DNAH12: variants seen among roughly 807,000 people sequenced by gnomAD.
DNAH12 encodes dynein axonemal heavy chain 12, also known as axonemal beta dynein heavy chain 12.
In DNAH12, 285 loss-of-function variants were observed where a neutral mutation model predicts 371.5. That is an observed-to-expected ratio of 0.77 (90% CI 0.70 to 0.85). The LOEUF (loss-of-function observed/expected upper bound fraction) is 0.85. DNAH12 is among the 40% of genes least tolerant of loss of function. The pLI, the probability that DNAH12 is intolerant of heterozygous loss-of-function variation, is 0.00. For missense variants in DNAH12, 3,611 were observed against 3,689.4 expected, an observed-to-expected ratio of 0.98 and a Z score of 0.55; for synonymous variants, 1,200 against 1,213.0, an observed-to-expected ratio of 0.99 and a Z score of 0.22.
At chr3:57,453,912 C>T (rs2065829547) in intron 23 of DNAH12, among the ~76,000 whole-genome samples, 1 of 151,992 alleles carries the variant, frequency 6.6e-6, no homozygotes, top group Admixed American at 6.6e-5. Context: ...ATTTCAAGAC[C>T]AGCCTGGCAA....
Position 57,309,805 on chromosome 3 carries a change from A to G in DNAH12, c.10946T>C (p.Val3649Ala), listed in dbSNP as rs1395020059. The change falls in exon 68 of 74, where the codon GTT (valine) becomes GCT (alanine). Residue 3649 changes from valine (V) to alanine (A), a missense_variant. Val to Ala is a moderately conservative substitution (Grantham distance 64). This residue lies in a region of DNAH12 where 2,266 missense variants were observed against 2,236.9 expected (regional missense o/e 1.01). Coordinates refer to ENST00000495027, the MANE Select transcript of DNAH12 (RefSeq NM_001366028.2). Reference protein sequence around the residue: ...HPEIFGLHENVDISKDLQQTK... With the variant: ...HPEIFGLHENADISKDLQQTK... ...TTGTTGAAGATCCTTGGAGATGTCA[A>G]CGTTTTCATGTAATCCAAATATCTC... 4 of 1,551,368 alleles carry G rather than the reference A, an allele frequency of 2.6e-6. No homozygotes were observed. Among genetic ancestry groups the G allele is most frequent in the Non-Finnish European group, 3.5e-6 (4 of 1,146,822 alleles).
chr3:57,358,297 A>G (rs1303157341), intron 58 of DNAH12, among the ~76,000 whole-genome samples: 1 of 152,196 alleles, frequency 6.6e-6, no homozygotes, highest in African/African-American at 2.4e-5. Flanking sequence ...GTTGGTTTCT[A>G]CATGCTAGAT....
At position 57,502,383 on chromosome 3, in the gene DNAH12, T is replaced by G; in HGVS notation, c.1183A>C (p.Thr395Pro). 1 of 1,614,194 alleles carries G rather than the reference T, an allele frequency of 6.2e-7. No individual in the cohort carries two copies. The highest frequency in any genetic ancestry group is 8.5e-7 in the Non-Finnish European group (1 of 1,180,038). Residue 395 changes from threonine to proline, a missense_variant, in exon 10 of 74, where the codon ACA becomes CCA. By Grantham distance (38) the Thr-to-Pro change is conservative. Transcript: ENST00000495027. The part of the protein sequence containing the change: ...PEHVLHWAVD[T>P]LKAAVHRNLE... ...TTCCGATGTACTGCTGCCTTCAGTG[T>G]ATCAACAGCCCAGTGTAACACGTGT...
intron 67 of DNAH12, 35 bp from the exon 68 acceptor site, chr3:57,309,889 T>C: frequency 6.6e-7 from 1 of 1,525,260 alleles, no homozygotes; most frequent in Non-Finnish European, 8.8e-7. Flanking sequence ...CATCATATTT[T>C]CCCTGGATAC....
At chr3:57,532,119 T>C (rs2068871020) in intron 2 of DNAH12, among the ~76,000 whole-genome samples, 1 of 152,210 alleles carries the variant, frequency 6.6e-6, no homozygotes, top group South Asian at 2.1e-4. Flanking sequence ...AAAACTGCTA[T>C]TAAAAGAACG....
chr3:57,297,233 T>G (rs961453631), intron 70 of DNAH12: 3 of 482,526 alleles, frequency 6.2e-6, no homozygotes, highest in African/African-American at 3.9e-5. Context: ...TCAAATCTTC[T>G]GCAAAAGCCA....
chr3:57,448,081 A>C (rs1289332572), intron 25 of DNAH12, among the ~76,000 whole-genome samples: 1 of 152,228 alleles, frequency 6.6e-6, no homozygotes, highest in Non-Finnish European at 1.5e-5. Context: ...GTTCACAAAC[A>C]TGTTCCCTTT....
At position 57,313,368 on chromosome 3, in the gene DNAH12, A is replaced by G. The variant is rs537386270; in HGVS notation, c.10662+1126T>C. ...TAAAAAAAACAACAACAAACTTACAAGGGGCCGGGCATAGTGGCTCACACC... is the reference window on the plus strand; with the variant it reads ...TAAAAAAAACAACAACAAACTTACAGGGGGCCGGGCATAGTGGCTCACACC... On this transcript the variant is annotated intron_variant, in intron 66 of 73. Transcript: ENST00000495027. 1.7e-4 allele frequency among the ~76,000 whole-genome samples: 26 copies of G among 152,276 alleles called. 1 individual carries two copies. The South Asian group carries it at 5.4e-3, about 32-fold the overall frequency.
rs917840459 is a variant in DNAH12, at chr3:57,376,969, T to C, written c.8465+12A>G. 36 of 152,256 alleles carry C rather than the reference T, an allele frequency of 2.4e-4. No homozygotes were observed. The highest frequency in any genetic ancestry group is 7.7e-4 in the African/African-American group (32 of 41,572). 9.4% of individuals were successfully genotyped at this position (152,256 alleles called of 1,614,324 possible). A position where few individuals can be genotyped will look rare whatever the true frequency, so the allele number is the denominator to read the frequency against. On this transcript the variant is annotated intron_variant, in intron 53 of 73. Coordinates refer to ENST00000495027, the MANE Select transcript of DNAH12 (RefSeq NM_001366028.2). ...CATTCCTAAATCTTGCTAAAACAAA[T>C]AGAAATCTGACCTTGATTTTTCTCC...
At position 57,293,735 on chromosome 3, in the gene DNAH12, G is replaced by GTTT; in HGVS notation, c.*43_*45dup. On this transcript the variant is annotated 3_prime_UTR_variant, in exon 74 of 74. Transcript: ENST00000495027. ...AATGTATATATTTTAAGTAGGACAG[G>GTTT]TTTTTTTTTTTTTAAACTTTTGGAT... 5 of 1,117,596 alleles carry GTTT rather than the reference G, an allele frequency of 4.5e-6. No homozygotes were observed. The highest frequency in any genetic ancestry group is 6.1e-6 in the Non-Finnish European group (5 of 814,654). 69.2% of individuals were successfully genotyped at this position (1,117,596 alleles called of 1,614,324 possible).
At position 57,487,389 on chromosome 3, in the gene DNAH12, GAGAA is replaced by G. The variant is rs1183035035; in HGVS notation, c.1514+2116_1514+2119del. Reference sequence around the variant, plus strand: ...AGAAAGAAAGAAAAAAAAAAAGAAAGAGAAAGAAAGAAAGAAAAAAAAGAAAAAG... The same window carrying G: ...AGAAAGAAAGAAAAAAAAAAAGAAAGAGAAAGAAAGAAAAAAAAGAAAAAG... On this transcript the variant is annotated intron_variant, in intron 12 of 73. Coordinates refer to ENST00000495027, the MANE Select transcript of DNAH12 (RefSeq NM_001366028.2). Among the ~76,000 whole-genome samples the G allele has an allele frequency of 1.6e-4, 20 of 128,370 alleles. No homozygotes were observed. The South Asian group carries it at 4.3e-3, about 28-fold the overall frequency. 84.2% of individuals were successfully genotyped at this position (128,370 alleles called of 152,430 possible).
chr3:57,392,528 G>A (rs1170161852), intron 44 of DNAH12, among the ~76,000 whole-genome samples: 2 of 152,256 alleles, frequency 1.3e-5, no homozygotes, highest in Admixed American at 1.3e-4. Context: ...GCTGCAGTGA[G>A]CTATGACTGC....
chr3:57,441,754 T>G (rs1221740899), intron 29 of DNAH12, among the ~76,000 whole-genome samples: 1 of 152,066 alleles, frequency 6.6e-6, no homozygotes. Flanking sequence ...ATCATGCCAC[T>G]GCACTCCAGC....
rs894304243 is a variant in DNAH12 at position 57,379,899 on chromosome 3, A to G, written c.8082+379T>C. On this transcript the variant is annotated intron_variant, in intron 51 of 73. Transcript: ENST00000495027. ...TAAGTTGAGAGAACAAATGGAAACA[A>G]TGGAAAAGAACAATTAAACATTAAG... Among the ~76,000 whole-genome samples the G allele has an allele frequency of 1.3e-4, 19 of 151,276 alleles. No individual in the cohort carries two copies. The South Asian group carries it at 4.0e-3, about 31-fold the overall frequency.
At chr3:57,340,996 T>C (rs1352123825) in intron 60 of DNAH12, among the ~76,000 whole-genome samples, 1 of 152,132 alleles carries the variant, frequency 6.6e-6, no homozygotes, top group Non-Finnish European at 1.5e-5. Flanking sequence ...CCTACACAAA[T>C]AATGTGAGAC....
intron 11 of DNAH12, among the ~76,000 whole-genome samples, chr3:57,492,306 C>G (rs1185654721): frequency 1.3e-5 from 2 of 151,758 alleles, no homozygotes; most frequent in South Asian, 2.1e-4. Flanking sequence ...ACTAAAAATA[C>G]AAAATTAGCT....
chr3:57,503,109 C>T (rs1282239877), intron 9 of DNAH12, among the ~76,000 whole-genome samples: 2 of 152,104 alleles, frequency 1.3e-5, no homozygotes, highest in African/African-American at 4.8e-5. Context: ...CAAGTTGGGC[C>T]AGGTGCAGTA....
At position 57,438,472 on chromosome 3, in the gene DNAH12, T is replaced by G. The variant is rs946377306; in HGVS notation, c.4546-1412A>C. ...GAGAAAGAAATAAAAGGCATCCAAA[T>G]AGAAAAAGAAGAAGTCAAACTGTCT... On this transcript the variant is annotated intron_variant, in intron 29 of 73. Coordinates refer to ENST00000495027, the MANE Select transcript of DNAH12 (RefSeq NM_001366028.2). Among the ~76,000 whole-genome samples the G allele has an allele frequency of 3.3e-5, 5 of 152,086 alleles. No individual in the cohort carries two copies. In the South Asian group the frequency reaches 1.0e-3, roughly 32 times the overall value.
chr3:57,411,526 C>CAAAAAAAAAAAAA (rs57344840), intron 39 of DNAH12, among the ~76,000 whole-genome samples: 72 of 39,074 alleles, frequency 1.8e-3, no homozygotes, highest in Non-Finnish European at 3.1e-3. Flanking sequence ...GACACTGTCT[C>CAAAAAAAAAAAAA]AAAAAAAAAA....
Sources: gnomAD v4.1 joint callset for allele counts (sites outside exome capture counted in the v4.1 genomes callset) on GRCh38, gnomAD v4.1.1 for gene constraint, gnomAD v4.1.1 regional missense constraint, MANE v1.5 for transcripts, NCBI Gene and HGNC (gene_info 2026-07-23, HGNC 2026-07-21) for gene names.